The following TMCC3 variants were observed in gnomAD, a reference collection of about 807,000 sequenced individuals.
TMCC3 encodes the protein transmembrane and coiled-coil domain family 3, also known as transmembrane and coiled-coil domain protein 3.
In TMCC3, 28 loss-of-function variants were observed where a neutral mutation model predicts 40.2. The observed-to-expected ratio is 0.70, with a 90% CI of 0.52 to 0.95. The LOEUF is 0.95. TMCC3 is among the 40% of genes least tolerant of loss of function. The probability of loss-of-function intolerance (pLI) is 0.00; values close to 1 mark genes in which losing one functional copy is unlikely to be tolerated. For synonymous variants in TMCC3, 255 were observed against 248.5 expected (o/e 1.03, Z -0.25); for missense variants, 554 against 615.2 (o/e 0.90, Z 1.05).
intron 1 of TMCC3, among the ~76,000 whole-genome samples, chr12:94,603,737 T>A (rs1441186228): frequency 6.6e-6 from 1 of 152,146 alleles, no homozygotes; most frequent in Non-Finnish European, 1.5e-5. Flanking sequence ...ATTATCCAAC[T>A]GTACATTTAA....
At chr12:94,638,600 A>G (rs187559041) in intron 1 of TMCC3, among the ~76,000 whole-genome samples, 12 of 152,354 alleles carry the variant, frequency 7.9e-5, no homozygotes, top group African/African-American at 1.7e-4. Flanking sequence ...ATGCCAATAC[A>G]TAGAGTCTGA....
chr12:94,632,513 G>A (rs1246694998), intron 1 of TMCC3, among the ~76,000 whole-genome samples: 2 of 152,162 alleles, frequency 1.3e-5, no homozygotes, highest in African/African-American at 2.4e-5. Flanking sequence ...TTCTCTTACA[G>A]ATATTAAAAT....
chr12:94,608,921 G>A (rs2138857461), intron 1 of TMCC3, among the ~76,000 whole-genome samples: 1 of 152,272 alleles, frequency 6.6e-6, no homozygotes, highest in South Asian at 2.1e-4. Context: ...TACTAGTTAT[G>A]TTTAGTGTAT....
At chr12:94,616,336 T>C (rs558446494) in intron 1 of TMCC3, 2 of 152,962 alleles carry the variant, frequency 1.3e-5, no homozygotes, top group Admixed American at 1.3e-4. Flanking sequence ...GGAAATGGGC[T>C]CGGCTCAACA....
intron 1 of TMCC3, among the ~76,000 whole-genome samples, chr12:94,585,655 C>T (rs1391912127): frequency 6.6e-6 from 1 of 150,962 alleles, no homozygotes; most frequent in Non-Finnish European, 1.5e-5. Context: ...CATTGCACTC[C>T]AGCCTGAGTG....
In TMCC3 at chr12:94,593,380, AAAGAAAG is replaced by A. The variant is rs1329602382; in HGVS notation, c.79-10849_79-10843del. ...CATCTAAAAAAAAAAAAAGAAAAGA[AAAGAAAG>A]AAGAAAGAAGAAAGAAGAAGAAGGA... On this transcript the variant is annotated intron_variant, in intron 1 of 3. Coordinates refer to ENST00000261226, the MANE Select transcript of TMCC3 (RefSeq NM_020698.4). Among the ~76,000 whole-genome samples the A allele has an allele frequency of 2.9e-4, 19 of 64,450 alleles. 4 individuals carry two copies. The highest frequency in any genetic ancestry group is 6.1e-4 in the African/African-American group (6 of 9,908). 42.3% of individuals were successfully genotyped at this position (64,450 alleles called of 152,430 possible). A position where few individuals can be genotyped will look rare whatever the true frequency, so the allele number is the denominator to read the frequency against.
intron 1 of TMCC3, among the ~76,000 whole-genome samples, chr12:94,610,608 C>T (rs1426358529): frequency 6.6e-6 from 1 of 152,120 alleles, no homozygotes; most frequent in Non-Finnish European, 1.5e-5. Context: ...ATTCTGCAAA[C>T]AGCATAGACA....
At chr12:94,604,284 A>G (rs1386049547) in intron 1 of TMCC3, among the ~76,000 whole-genome samples, 4 of 152,242 alleles carry the variant, frequency 2.6e-5, no homozygotes, top group Non-Finnish European at 5.9e-5. Flanking sequence ...CACACAAAGT[A>G]CAATTAGGGC....
chr12:94,638,611 A>G (rs1432951094), intron 1 of TMCC3, among the ~76,000 whole-genome samples: 3 of 152,328 alleles, frequency 2.0e-5, no homozygotes, highest in Non-Finnish European at 4.4e-5. Context: ...TAGAGTCTGA[A>G]CAGCTCTTAC....
Position 94,567,509 on chromosome 12 carries a change from TTAAAC to T in TMCC3, c.*3921_*3925del, listed in dbSNP as rs2068501599. On this transcript the variant is annotated 3_prime_UTR_variant, in exon 4 of 4. Transcript: ENST00000261226. ...GCATTACTTTCTAGCTTCTTATAAA[TTAAAC>T]TGTACTGATTTCAGGAAACTATAGG... 1 of 152,246 alleles carries T rather than the reference TTAAAC, an allele frequency of 6.6e-6. No homozygotes were observed. The highest frequency in any genetic ancestry group is 2.4e-5 in the African/African-American group (1 of 41,464). The allele number at this position is 152,246 out of a possible 1,614,324, so 9.4% of individuals were successfully genotyped here.
chr12:94,628,566 C>T (rs916279490), intron 1 of TMCC3, among the ~76,000 whole-genome samples: 8 of 152,216 alleles, frequency 5.3e-5, no homozygotes, highest in African/African-American at 1.4e-4. Context: ...TTCTAAGCAT[C>T]GCAGTGTCTG....
At chr12:94,637,050 TAG>T (rs533971810) in intron 1 of TMCC3, among the ~76,000 whole-genome samples, 15 of 151,648 alleles carry the variant, frequency 9.9e-5, no homozygotes, top group African/African-American at 3.1e-4. Flanking sequence ...AAAAAAAAAA[TAG>T]AGTCAGGAAT....
chr12:94,582,558 A>C lies in TMCC3; in HGVS notation c.79-20T>G, dbSNP rs898571005. The C allele has an allele frequency of 2.1e-5, 32 of 1,557,580 alleles. No homozygotes were observed. Among genetic ancestry groups the C allele is most frequent in the Non-Finnish European group, 2.7e-5 (31 of 1,153,720 alleles). On this transcript the variant is annotated intron_variant, in intron 1 of 3. Transcript: ENST00000261226. Reference sequence around the variant, plus strand: ...TTCTACCTGAAAGAGACAGGAAAGAAGCACATTAAAATTTGAAGTCAAAGA... The same window carrying C: ...TTCTACCTGAAAGAGACAGGAAAGACGCACATTAAAATTTGAAGTCAAAGA...
chr12:94,591,663 C>T (rs12824007), intron 1 of TMCC3, among the ~76,000 whole-genome samples: 4 of 151,934 alleles, frequency 2.6e-5, no homozygotes, highest in Non-Finnish European at 4.4e-5. Context: ...GGTTGAGGCA[C>T]GAGGGTCAAG....
chr12:94,639,777 AAAAG>A (rs1051964354), intron 1 of TMCC3, among the ~76,000 whole-genome samples: 4 of 151,434 alleles, frequency 2.6e-5, no homozygotes, highest in South Asian at 4.2e-4. Context: ...AAAAAAAAAA[AAAAG>A]AAGAAGAAAA....
intron 1 of TMCC3, among the ~76,000 whole-genome samples, chr12:94,626,743 T>C (rs1250823286): frequency 6.6e-6 from 1 of 152,186 alleles, no homozygotes; most frequent in East Asian, 1.9e-4. Context: ...AAGCCAGGTA[T>C]GAACTGAGAA....
At chr12:94,597,545 C>T (rs982601858) in intron 1 of TMCC3, among the ~76,000 whole-genome samples, 2 of 152,092 alleles carry the variant, frequency 1.3e-5, no homozygotes, top group Admixed American at 1.3e-4. Context: ...CAGCTCACGC[C>T]TGTAATCCCA....
chr12:94,639,917 A>G (rs1245877352), intron 1 of TMCC3, among the ~76,000 whole-genome samples: 1 of 152,144 alleles, frequency 6.6e-6, no homozygotes, highest in African/African-American at 2.4e-5. Flanking sequence ...GAGTGGGAAA[A>G]ATGTTTCTAA....
chr12:94,583,933 C>T (rs746788471), intron 1 of TMCC3, among the ~76,000 whole-genome samples: 2 of 152,160 alleles, frequency 1.3e-5, no homozygotes, highest in Non-Finnish European at 2.9e-5. Context: ...TTGTCAATAT[C>T]CCTTTGATTA....
Sources: allele counts gnomAD v4.1 joint callset (sites outside exome capture counted in the v4.1 genomes callset), GRCh38; gene constraint gnomAD v4.1.1; transcripts MANE v1.5; gene names NCBI Gene and HGNC (gene_info 2026-07-23, HGNC 2026-07-21).